Variants in HMGB1 observed in about 807,000 individuals in gnomAD.
HMGB1 encodes high mobility group protein B1.
For missense variants in HMGB1, 79 were observed against 253.5 expected (o/e 0.31, Z 4.67); for synonymous variants, 81 against 84.0 (o/e 0.96, Z 0.19).
At chr13:30,527,652 G>A (rs1194780482) in intron 1 of HMGB1, among the ~76,000 whole-genome samples, 1 of 152,034 alleles carries the variant, frequency 6.6e-6, no homozygotes, top group East Asian at 1.9e-4. Context: ...GAGGAGATGG[G>A]CAAGCTCACC....
chr13:30,480,588 A>G (rs1288179279), intron 1 of HMGB1, among the ~76,000 whole-genome samples: 1 of 152,136 alleles, frequency 6.6e-6, no homozygotes, highest in Non-Finnish European at 1.5e-5. Flanking sequence ...TCACAGGAGC[A>G]GTGTGGGTGA....
chr13:30,487,371 G>A (rs1887387970), intron 1 of HMGB1, among the ~76,000 whole-genome samples: 1 of 152,234 alleles, frequency 6.6e-6, no homozygotes, highest in South Asian at 2.1e-4. Flanking sequence ...TAGGAAGGAT[G>A]GCTTTGTTGA....
At chr13:30,583,543 A>C (rs1430235347) in intron 1 of HMGB1, among the ~76,000 whole-genome samples, 2 of 150,992 alleles carry the variant, frequency 1.3e-5, no homozygotes, top group East Asian at 3.9e-4. Context: ...AAAAAAAAAA[A>C]AAAAAAAAGA....
chr13:30,524,700 A>AAATAATAAT (rs71093076), intron 1 of HMGB1, among the ~76,000 whole-genome samples: 11 of 13,884 alleles, frequency 7.9e-4, no homozygotes, highest in Admixed American at 2.7e-3. Context: ...AAAATAAAAT[A>AAATAATAAT]AATAATAATA....
chr13:30,465,328 C>T (rs1427997152), intron 1 of HMGB1: 4 of 137,772 alleles, frequency 2.9e-5, no homozygotes, highest in Non-Finnish European at 4.8e-5. Context: ...TCCCCGCCAG[C>T]GCCCGGCTCG....
At chr13:30,561,890 G>C (rs939092007) in intron 1 of HMGB1, among the ~76,000 whole-genome samples, 6 of 152,122 alleles carry the variant, frequency 3.9e-5, no homozygotes, top group African/African-American at 1.2e-4. Context: ...ACATGAGGGA[G>C]GGGCCAGAAG....
At chr13:30,501,349 G>A (rs967061759) in intron 1 of HMGB1, among the ~76,000 whole-genome samples, 2 of 152,044 alleles carry the variant, frequency 1.3e-5, no homozygotes, top group Admixed American at 1.3e-4. Context: ...TGTACATCTA[G>A]TTTAGTTTAG....
intron 1 of HMGB1, among the ~76,000 whole-genome samples, chr13:30,489,972 T>C (rs932138092): frequency 2.1e-5 from 3 of 142,102 alleles, no homozygotes; most frequent in Non-Finnish European, 3.0e-5. Flanking sequence ...GTGATCCGCC[T>C]GCCCCGGCCT....
chr13:30,477,844 CCT>C (rs966950523), intron 1 of HMGB1, among the ~76,000 whole-genome samples: 1 of 152,052 alleles, frequency 6.6e-6, no homozygotes, highest in Non-Finnish European at 1.5e-5. Context: ...AGTTACCAGG[CCT>C]CTTTGTTTAA....
At chr13:30,569,087 A>T (rs1870313432) in intron 1 of HMGB1, among the ~76,000 whole-genome samples, 1 of 152,014 alleles carries the variant, frequency 6.6e-6, no homozygotes, top group East Asian at 1.9e-4. Flanking sequence ...AGGCAGAAGA[A>T]TCGCTTGAAC....
chr13:30,466,098 T>TA (rs1886772594), upstream of HMGB1: 2 of 257,540 alleles, frequency 7.8e-6, no homozygotes, highest in South Asian at 2.9e-4. Context: ...AATGTGTGTG[T>TA]ATGCCGGGCA....
At chr13:30,560,020 ATGTG>A (rs927682339) in intron 1 of HMGB1, among the ~76,000 whole-genome samples, 1 of 152,062 alleles carries the variant, frequency 6.6e-6, no homozygotes, top group Non-Finnish European at 1.5e-5. Flanking sequence ...ATTTACCAGA[ATGTG>A]TGTGTAACTA....
intron 1 of HMGB1, among the ~76,000 whole-genome samples, chr13:30,613,659 G>A (rs922426542): frequency 1.3e-5 from 2 of 152,064 alleles, no homozygotes; most frequent in African/African-American, 4.8e-5. Flanking sequence ...GTACATACAT[G>A]CTCTCAGGGC....
intron 1 of HMGB1, among the ~76,000 whole-genome samples, chr13:30,490,180 T>C (rs1023516423): frequency 6.6e-6 from 1 of 152,148 alleles, no homozygotes; most frequent in Non-Finnish European, 1.5e-5. Flanking sequence ...ATATGTTTAG[T>C]GTTGTCAAGA....
chr13:30,509,331 T>G (rs186092103), intron 1 of HMGB1, among the ~76,000 whole-genome samples: 13 of 151,732 alleles, frequency 8.6e-5, no homozygotes, highest in African/African-American at 3.2e-4. Flanking sequence ...CTCTGCCTCC[T>G]GGGTTCATAT....
upstream of HMGB1, among the ~76,000 whole-genome samples, chr13:30,467,084 C>G (rs892011473): frequency 6.6e-6 from 1 of 152,240 alleles, no homozygotes; most frequent in African/African-American, 2.4e-5. Flanking sequence ...GACATACTTA[C>G]GTCTGTAGAG....
At chr13:30,547,951 T>C (rs1369923162) in intron 1 of HMGB1, among the ~76,000 whole-genome samples, 1 of 152,204 alleles carries the variant, frequency 6.6e-6, no homozygotes, top group Admixed American at 6.5e-5. Context: ...TCAATATGTT[T>C]AGGAGAAAAT....
At chr13:30,529,956 T>A (rs1888457982) in intron 1 of HMGB1, among the ~76,000 whole-genome samples, 1 of 152,172 alleles carries the variant, frequency 6.6e-6, no homozygotes, top group African/African-American at 2.4e-5. Flanking sequence ...TGCATAACAT[T>A]TCCAAATGGA....
At chr13:30,553,841 T>C (rs1372504149) in intron 1 of HMGB1, 1 of 1,357,794 alleles carries the variant, frequency 7.4e-7, no homozygotes, top group African/African-American at 1.4e-5. Flanking sequence ...ATGATCACAG[T>C]CGTGTTAAAC....
Sources: allele counts gnomAD v4.1 joint callset (sites outside exome capture counted in the v4.1 genomes callset), GRCh38; gene constraint gnomAD v4.1.1; transcripts MANE v1.5; gene names NCBI Gene and HGNC (gene_info 2026-07-23, HGNC 2026-07-21).